Variants in HEXD observed in about 807,000 individuals in gnomAD.
The protein encoded by HEXD is N-acetyl-beta-galactosaminidase.
In HEXD, 47 loss-of-function variants were observed where a neutral mutation model predicts 54.2. The ratio of observed to expected loss-of-function variants is 0.87; its 90% CI spans 0.69 to 1.11. The LOEUF (loss-of-function observed/expected upper bound fraction) is 1.11. Ranked by LOEUF, HEXD falls within the 50% of genes least tolerant of loss-of-function variation. The pLI is 0.00. For missense variants in HEXD, 576 were observed against 649.2 expected (o/e 0.89, Z 1.23); for synonymous variants, 293 against 287.6 (o/e 1.02, Z -0.19).
chr17:82,422,822 T>TGA (rs2053275013), intron 2 of HEXD, among the ~76,000 whole-genome samples: 1 of 152,142 alleles, frequency 6.6e-6, no homozygotes, highest in African/African-American at 2.4e-5. Context: ...TTTGGGAGGC[T>TGA]GAGGAGGGTG....
Position 82,425,240 on chromosome 17 carries a change from G to A in HEXD, c.194+737G>A, listed in dbSNP as rs1030601962. Among the ~76,000 whole-genome samples, 5 of 150,636 alleles carry A rather than the reference G, an allele frequency of 3.3e-5. No homozygotes were observed. In the South Asian group the frequency reaches 6.4e-4, roughly 19 times the overall value. On this transcript the variant is annotated intron_variant, in intron 3 of 12. Coordinates refer to ENST00000327949, the MANE Select transcript of HEXD (RefSeq NM_001330542.2). The stretch of plus-strand genomic sequence containing the variant: ...GCTGGGCTAGAGAAGGCCGGAGGAG[G>A]CTAGAGAAGGCTGGAGAAGGCTGGA...
chr17:82,437,097 C>T (rs753032252), intron 7 of HEXD, 71 bp from the exon 8 acceptor site: 163 of 1,371,210 alleles, frequency 1.2e-4, no homozygotes, highest in Non-Finnish European at 1.4e-4. Flanking sequence ...GGGTACAGCC[C>T]CGGGAGGCGT....
chr17:82,418,406 C>G lies in HEXD; in HGVS notation c.-386C>G. Reference sequence around the variant, plus strand: ...CAGCGCGCGCCCTTCCCCTCCTCACCGCTACCTGCTCCGGTTCCGGCGCTC... The same window carrying G: ...CAGCGCGCGCCCTTCCCCTCCTCACGGCTACCTGCTCCGGTTCCGGCGCTC... On this transcript the variant is annotated 5_prime_UTR_variant, in exon 1 of 13. Transcript: ENST00000327949. 1.4e-6 allele frequency: 2 copies of G among 1,477,998 alleles called. No homozygotes were observed. Among genetic ancestry groups the G allele is most frequent in the Non-Finnish European group, 1.8e-6 (2 of 1,119,604 alleles). The allele number at this position is 1,477,998 out of a possible 1,614,324, so 91.6% of individuals were successfully genotyped here. A position where few individuals can be genotyped will look rare whatever the true frequency, so the allele number is the denominator to read the frequency against.
In HEXD at chr17:82,435,872, G is replaced by T. The variant is rs1337762879; in HGVS notation, c.631G>T (p.Ala211Ser). The T allele has an allele frequency of 6.2e-7, 1 of 1,603,350 alleles. No individual in the cohort carries two copies. The highest frequency in any genetic ancestry group is 8.5e-7 in the Non-Finnish European group (1 of 1,175,636). ...AGACCTGCCTGAGGACCAGCTCGCAGGTCGGCCAACAGGGCTGGGGGAGGG... is the reference window on the plus strand; with the variant it reads ...AGACCTGCCTGAGGACCAGCTCGCATGTCGGCCAACAGGGCTGGGGGAGGG... ...LRDLPEDQLAASGVPQLVEPV... is the reference protein window; with the variant it reads ...LRDLPEDQLASSGVPQLVEPV... The change falls in exon 6 of 13, where the codon GCG (alanine) becomes TCG (serine). Residue 211 changes from alanine (A) to serine (S), a missense_variant and splice_region_variant. By Grantham distance (99) the Ala-to-Ser change is moderately conservative. Coordinates refer to ENST00000327949, the MANE Select transcript of HEXD (RefSeq NM_001330542.2).
In HEXD at chr17:82,442,102, G is replaced by T; in HGVS notation, c.1254-75G>T. 6.6e-7 allele frequency: 1 copy of T among 1,522,180 alleles called. No homozygotes were observed. Among genetic ancestry groups the T allele is most frequent in the South Asian group, 1.2e-5 (1 of 83,838 alleles). 94.3% of individuals were successfully genotyped at this position (1,522,180 alleles called of 1,614,324 possible). A position where few individuals can be genotyped will look rare whatever the true frequency, so the allele number is the denominator to read the frequency against. ...CATTTCACAGGTGAACTGAGGCACA[G>T]GGCAGTACTGACCATGGGGCTGAGG... On this transcript the variant is annotated intron_variant, in intron 12 of 12. Transcript: ENST00000327949. This position sits in a 1 kb window ranked among gnomAD's most constrained non-coding sequence, Gnocchi z 6.8.
rs1489320714 is a variant in HEXD at position 82,441,111 on chromosome 17, C to T, written c.1061+36C>T. On this transcript the variant is annotated intron_variant, in intron 10 of 12. Coordinates refer to ENST00000327949, the MANE Select transcript of HEXD (RefSeq NM_001330542.2). ...TGCAGCCCTCCCTGTCCCCTTCTTC[C>T]CCTCCCCTTCCCCCGCCCGTGGAGA... The T allele has an allele frequency of 6.8e-6, 11 of 1,613,430 alleles. No homozygotes were observed. Among genetic ancestry groups the T allele is most frequent in the African/African-American group, 2.7e-5 (2 of 74,954 alleles).
At chr17:82,436,001 C>A in intron 6 of HEXD, 129 bp downstream of exon 6, 1 of 862,068 alleles carries the variant, frequency 1.2e-6, no homozygotes, top group East Asian at 2.7e-5. Context: ...CCGCCACAAC[C>A]ACCTCCTGCA....
intron 9 of HEXD, chr17:82,440,128 G>A: frequency 7.7e-7 from 1 of 1,294,464 alleles, no homozygotes. Context: ...TCTCCTGAGG[G>A]AGCAGCGGGA....
At chr17:82,433,938 AG>A in intron 5 of HEXD, 116 bp downstream of exon 5, 1 of 950,426 alleles carries the variant, frequency 1.1e-6, no homozygotes, top group South Asian at 1.8e-5. Flanking sequence ...TGTTCCCCTC[AG>A]GGCACCCCAT....
intron 7 of HEXD, 76 bp downstream of exon 7, chr17:82,436,814 C>A: frequency 1.5e-6 from 2 of 1,369,626 alleles, no homozygotes; most frequent in Admixed American, 2.0e-5. Flanking sequence ...TGTGACCCTG[C>A]AGCCGGAACT....
At chr17:82,438,155 T>G (rs1426239174) in intron 8 of HEXD, among the ~76,000 whole-genome samples, 1 of 152,074 alleles carries the variant, frequency 6.6e-6, no homozygotes, top group Non-Finnish European at 1.5e-5. Flanking sequence ...GGAGAATCAC[T>G]TGAACCCAGG....
At chr17:82,421,706 G>A (rs2053239895) in intron 2 of HEXD, among the ~76,000 whole-genome samples, 1 of 152,114 alleles carries the variant, frequency 6.6e-6, no homozygotes, top group Non-Finnish European at 1.5e-5. Flanking sequence ...CATGCCTGTA[G>A]TCCCAGCTAC....
chr17:82,420,043 TA>T (rs765366104), intron 2 of HEXD, 160 bp downstream of exon 2: 4 of 395,782 alleles, frequency 1.0e-5, no homozygotes, highest in South Asian at 8.8e-5. Flanking sequence ...ATTTCCTCCA[TA>T]GCCTCTCACA....
At chr17:82,435,314 C>T (rs1001733916) in intron 5 of HEXD, among the ~76,000 whole-genome samples, 20 of 152,170 alleles carry the variant, frequency 1.3e-4, no homozygotes, top group Admixed American at 1.3e-3. Flanking sequence ...GGTACCGAGT[C>T]ACACAGTGTA....
rs549840248 is a variant in HEXD, at chr17:82,429,540, C to T, written c.282+895C>T. 2.1e-4 allele frequency among the ~76,000 whole-genome samples: 32 copies of T among 152,214 alleles called. No homozygotes were observed. In the South Asian group the frequency reaches 6.2e-3, roughly 30 times the overall value. The stretch of plus-strand genomic sequence containing the variant: ...GTACTCTGCTCTGGGACCCGGCCTG[C>T]GCTCTTAGCCTCCTGCCACGTATCC... On this transcript the variant is annotated intron_variant, in intron 4 of 12. Coordinates refer to ENST00000327949, the MANE Select transcript of HEXD (RefSeq NM_001330542.2).
At chr17:82,427,154 T>C (rs1372376769) in intron 3 of HEXD, 2 of 103,452 alleles carry the variant, frequency 1.9e-5, no homozygotes, top group East Asian at 5.1e-4. Context: ...AAAAAAAAAA[T>C]TAGCTGGGTG....
chr17:82,441,796 C>A lies in HEXD; in HGVS notation c.1164-4C>A. On this transcript the variant is annotated splice_region_variant and splice_polypyrimidine_tract_variant and intron_variant, in intron 11 of 12. Transcript: ENST00000327949. Reference sequence around the variant, plus strand: ...CGGCACACCCCTATGTGGATTTGCCCCAGGTATGTCACTGGCTGGTTCAGC... The same window carrying A: ...CGGCACACCCCTATGTGGATTTGCCACAGGTATGTCACTGGCTGGTTCAGC... 1 of 1,613,158 alleles carries A rather than the reference C, an allele frequency of 6.2e-7. No homozygotes were observed. The highest frequency in any genetic ancestry group is 8.5e-7 in the Non-Finnish European group (1 of 1,179,810).
intron 10 of HEXD, 38 bp downstream of exon 10, chr17:82,441,113 C>G (rs762198970): frequency 6.2e-7 from 1 of 1,613,570 alleles, no homozygotes; most frequent in Admixed American, 1.7e-5. Flanking sequence ...CCTTCTTCCC[C>G]TCCCCTTCCC....
chr17:82,420,818 A>G (rs1599717209), intron 2 of HEXD, among the ~76,000 whole-genome samples: 1 of 152,250 alleles, frequency 6.6e-6, no homozygotes. Context: ...CACCCGCCTC[A>G]GCCTCCCAAA....
Sources: allele counts gnomAD v4.1 joint callset (sites outside exome capture counted in the v4.1 genomes callset), GRCh38; gene constraint gnomAD v4.1.1; non-coding constraint Gnocchi (gnomAD v3.1); transcripts MANE v1.5; gene names NCBI Gene and HGNC (gene_info 2026-07-23, HGNC 2026-07-21).